HECW1: variants seen among roughly 807,000 people sequenced by gnomAD.
The protein encoded by HECW1 is HECT, C2 and WW domain containing E3 ubiquitin protein ligase 1.
In HECW1, 61 loss-of-function variants were observed where a neutral mutation model predicts 182.3. The ratio of observed to expected loss-of-function variants is 0.33; its 90% CI spans 0.27 to 0.41. The LOEUF is 0.41. Among genes scored for constraint, HECW1 ranks in the 10% least tolerant of loss-of-function variants. The pLI, the probability that HECW1 is intolerant of heterozygous loss-of-function variation, is 1.00. For synonymous variants in HECW1, 859 were observed against 832.6 expected (o/e 1.03, Z -0.55); for missense variants, 1,739 against 2,108.9 (o/e 0.82, Z 3.44).
intron 17 of HECW1, among the ~76,000 whole-genome samples, chr7:43,481,116 A>G (rs1460432927): frequency 1.3e-5 from 2 of 152,304 alleles, no homozygotes; most frequent in Non-Finnish European, 2.9e-5. Context: ...GGAGTACTAC[A>G]CATCCCTGAG....
intron 2 of HECW1, among the ~76,000 whole-genome samples, chr7:43,141,286 G>A (rs1169314102): frequency 3.3e-5 from 5 of 152,144 alleles, no homozygotes; most frequent in South Asian, 2.1e-4. Context: ...CCACCCCCAC[G>A]GCCCTGGAAT....
chr7:43,132,644 T>A (rs370382137), intron 2 of HECW1, among the ~76,000 whole-genome samples: 1 of 152,210 alleles, frequency 6.6e-6, no homozygotes, highest in African/African-American at 2.4e-5. Context: ...GTATTCTTCA[T>A]GGTGCTCAAA....
chr7:43,561,407 G>A (rs2152966734), intron 29 of HECW1, among the ~76,000 whole-genome samples: 1 of 152,356 alleles, frequency 6.6e-6, no homozygotes, highest in Middle Eastern at 3.4e-3. Flanking sequence ...ATAGATGCAT[G>A]TGGTTCACAG....
chr7:43,339,016 C>A (rs1261375363), intron 5 of HECW1, among the ~76,000 whole-genome samples: 1 of 152,146 alleles, frequency 6.6e-6, no homozygotes, highest in African/African-American at 2.4e-5. Context: ...CATTTATCTT[C>A]TGAAAAGTCA....
At chr7:43,274,694 C>A (rs1415808987) in intron 3 of HECW1, 8 of 257,556 alleles carry the variant, frequency 3.1e-5, no homozygotes, top group South Asian at 1.6e-4. Flanking sequence ...AATCCTATTA[C>A]AAAAATAGAC....
At chr7:43,403,105 TTTTTCCTCTGG>T (rs1242238597) in intron 7 of HECW1, among the ~76,000 whole-genome samples, 2 of 152,206 alleles carry the variant, frequency 1.3e-5, no homozygotes, top group Non-Finnish European at 2.9e-5. Context: ...TGGGAAATAA[TTTTTCCTCTGG>T]TTTTCATAAG....
chr7:43,235,599 T>TA (rs1344310818), intron 2 of HECW1, among the ~76,000 whole-genome samples: 1 of 152,204 alleles, frequency 6.6e-6, no homozygotes, highest in Non-Finnish European at 1.5e-5. Flanking sequence ...ATTTAATCCA[T>TA]ACAGAGACAT....
At chr7:43,236,741 C>A (rs1354218635) in intron 2 of HECW1, among the ~76,000 whole-genome samples, 1 of 152,150 alleles carries the variant, frequency 6.6e-6, no homozygotes, top group Non-Finnish European at 1.5e-5. Context: ...GATTAGCTAT[C>A]AGTTTACATT....
intron 4 of HECW1, among the ~76,000 whole-genome samples, chr7:43,312,598 A>G (rs1808672707): frequency 6.6e-6 from 1 of 152,230 alleles, no homozygotes; most frequent in Admixed American, 6.5e-5. Flanking sequence ...GCCTTACTTT[A>G]GGTGGAGATT....
At chr7:43,552,079 T>G in intron 27 of HECW1, 143 bp from the exon 28 acceptor site, 1 of 633,932 alleles carries the variant, frequency 1.6e-6, no homozygotes, top group Middle Eastern at 3.0e-4. Context: ...TAGCAATAAT[T>G]TTCAAGTTAA....
chr7:43,265,948 T>TG (rs1440129859), intron 3 of HECW1, among the ~76,000 whole-genome samples: 25 of 151,368 alleles, frequency 1.7e-4, no homozygotes, highest in Middle Eastern at 3.4e-3. Context: ...AGAGGAAACT[T>TG]GAGGGGGGGT....
chr7:43,475,315 G>A (rs187946104), intron 16 of HECW1, among the ~76,000 whole-genome samples: 23 of 152,244 alleles, frequency 1.5e-4, no homozygotes, highest in Non-Finnish European at 2.8e-4. Flanking sequence ...GTAAATTTAA[G>A]CACAATTGTA....
intron 8 of HECW1, among the ~76,000 whole-genome samples, chr7:43,421,197 G>T (rs1329801605): frequency 6.6e-6 from 1 of 152,176 alleles, no homozygotes; most frequent in Admixed American, 6.5e-5. Flanking sequence ...GGAAAGGATA[G>T]CCTGTTCAAT....
At chr7:43,170,784 A>G (rs1279293185) in intron 2 of HECW1, among the ~76,000 whole-genome samples, 1 of 152,224 alleles carries the variant, frequency 6.6e-6, no homozygotes, top group Non-Finnish European at 1.5e-5. Context: ...AAAGTGGCCC[A>G]GCTGACCGTG....
chr7:43,261,127 T>C (rs1801121816), intron 3 of HECW1, among the ~76,000 whole-genome samples: 1 of 152,116 alleles, frequency 6.6e-6, no homozygotes, highest in Non-Finnish European at 1.5e-5. Context: ...TACAAGGAAG[T>C]ATAATGAGGA....
intron 19 of HECW1, among the ~76,000 whole-genome samples, chr7:43,493,472 A>C (rs1300433070): frequency 6.6e-6 from 1 of 152,252 alleles, no homozygotes; most frequent in Non-Finnish European, 1.5e-5. Context: ...TCCATTAAAA[A>C]ATTATTTATG....
At chr7:43,544,463 A>C (rs888492841) in intron 26 of HECW1, among the ~76,000 whole-genome samples, 1 of 152,230 alleles carries the variant, frequency 6.6e-6, no homozygotes, top group African/African-American at 2.4e-5. Flanking sequence ...CAGAAAATTT[A>C]CCAGTATTTT....
chr7:43,471,992 C>T (rs2078041759), intron 16 of HECW1, among the ~76,000 whole-genome samples: 1 of 152,110 alleles, frequency 6.6e-6, no homozygotes, highest in South Asian at 2.1e-4. Flanking sequence ...CACATGACTT[C>T]TGTTATTAAC....
chr7:43,423,840 A>T (rs1382380732), intron 8 of HECW1, among the ~76,000 whole-genome samples: 1 of 152,226 alleles, frequency 6.6e-6, no homozygotes, highest in East Asian at 1.9e-4. Flanking sequence ...AAAAAGTTGA[A>T]GACTAACACT....
Sources: gnomAD v4.1 joint callset for allele counts (sites outside exome capture counted in the v4.1 genomes callset) on GRCh38, gnomAD v4.1.1 for gene constraint, MANE v1.5 for transcripts, NCBI Gene and HGNC (gene_info 2026-07-23, HGNC 2026-07-21) for gene names.